Variants in PYCR1 observed in about 807,000 individuals in gnomAD.
PYCR1 encodes pyrroline-5-carboxylate reductase 1, also known as pyrroline-5-carboxylate reductase 1, mitochondrial.
In PYCR1, 19 loss-of-function variants were observed where a neutral mutation model predicts 22.9. The ratio of observed to expected loss-of-function variants is 0.83; its 90% CI spans 0.58 to 1.22. The LOEUF (loss-of-function observed/expected upper bound fraction) is 1.22. Among genes scored for constraint, PYCR1 ranks in the 50% most tolerant of loss-of-function variants. The pLI is 0.00. For synonymous variants in PYCR1, 175 were observed against 180.5 expected (o/e 0.97, Z 0.24); for missense variants, 429 against 431.3 (o/e 0.99, Z 0.05).
chr17:81,932,948 C>T lies in PYCR1; in HGVS notation c.*266G>A, dbSNP rs1816498056. 3 of 1,611,732 alleles carry T rather than the reference C, an allele frequency of 1.9e-6. No individual in the cohort carries two copies. The South Asian group carries it at 3.3e-5, about 18-fold the overall frequency. Reference sequence around the variant, plus strand: ...TGAAGACCCTCCGGGCTCCCGAGCTCTAGAGGAAGGTGGTCCTGACATGGT... The same window carrying T: ...TGAAGACCCTCCGGGCTCCCGAGCTTTAGAGGAAGGTGGTCCTGACATGGT... On this transcript the variant is annotated 3_prime_UTR_variant, in exon 7 of 7. Transcript: ENST00000329875.
rs779238535 is a variant in PYCR1, at chr17:81,935,106, G to A, written c.360C>T (p.Cys120=). ...AFRPAPRVIR[C]MTNTPVVVRE... ...GCACCACGACTGGAGTGTTGGTCAT[G>A]CAGCGGATGACCCTGGGGGCTGGCC... The change falls in exon 4 of 7, where the codon TGC becomes TGT. Residue 120 remains cysteine, a synonymous_variant. Coordinates refer to ENST00000329875, the MANE Select transcript of PYCR1 (RefSeq NM_006907.4). 6.2e-7 allele frequency: 1 copy of A among 1,609,996 alleles called. No homozygotes were observed. The highest frequency in any genetic ancestry group is 1.8e-4 in the Middle Eastern group (1 of 5,618).
chr17:81,936,933 C>T lies in PYCR1; in HGVS notation c.-119G>A, dbSNP rs2041216128. On this transcript the variant is annotated 5_prime_UTR_variant, in exon 1 of 7. Transcript: ENST00000329875. ...GCCAGCCTGGCCGCTCCTCCCGCAG[C>T]CGGGTGCCCACCTCCCCTGGTCCCA... The T allele has an allele frequency of 6.5e-7, 1 of 1,532,222 alleles. No homozygotes were observed. The highest frequency in any genetic ancestry group is 8.8e-7 in the Non-Finnish European group (1 of 1,139,636). 94.9% of individuals were successfully genotyped at this position (1,532,222 alleles called of 1,614,324 possible).
In PYCR1 at chr17:81,934,931, C is replaced by T. The variant is rs139751598; in HGVS notation, c.535G>A (p.Ala179Thr). Residue 179 changes from alanine to threonine, a missense_variant, in exon 4 of 7, where the codon GCC becomes ACC. Coordinates refer to ENST00000329875, the MANE Select transcript of PYCR1 (RefSeq NM_006907.4). ...AVTGLSGSGP[A>T]YAFTALDALA... Reference sequence around the variant, plus strand: ...GCTTCCCCCGCAGTCCTTACGTAGGCGGGGCCGCTGCCACTGAGCCCCGTG... The same window carrying T: ...GCTTCCCCCGCAGTCCTTACGTAGGTGGGGCCGCTGCCACTGAGCCCCGTG... 2.8e-5 allele frequency: 45 copies of T among 1,609,202 alleles called. No individual in the cohort carries two copies. Among genetic ancestry groups the T allele is most frequent in the Non-Finnish European group, 3.1e-5 (36 of 1,179,942 alleles).
Position 81,937,012 on chromosome 17 carries a change from C to T in PYCR1, c.-198G>A, listed in dbSNP as rs2041218811. On this transcript the variant is annotated 5_prime_UTR_variant, in exon 1 of 7. Transcript: ENST00000329875. ...GGCCCGTTAACTGCTTCGGGGCCCC[C>T]AGTCAGAGCGGCGGTGCCTGGCCTG... The T allele has an allele frequency of 6.8e-7, 1 of 1,462,150 alleles. No homozygotes were observed. The highest frequency in any genetic ancestry group is 9.0e-7 in the Non-Finnish European group (1 of 1,107,716). 90.6% of individuals were successfully genotyped at this position (1,462,150 alleles called of 1,614,324 possible).
chr17:81,935,519 G>A lies in PYCR1; in HGVS notation c.139-3C>T. ...GGTGTCAACTTCACCCCCATCTTCT[G>A]CAGGGGCAACAGGTGGGCTCAGCCT... On this transcript the variant is annotated splice_region_variant and splice_polypyrimidine_tract_variant and intron_variant, in intron 2 of 6. Coordinates refer to ENST00000329875, the MANE Select transcript of PYCR1 (RefSeq NM_006907.4). 2 of 1,605,300 alleles carry A rather than the reference G, an allele frequency of 1.2e-6. No individual in the cohort carries two copies. Among genetic ancestry groups the A allele is most frequent in the East Asian group, 2.2e-5 (1 of 44,648 alleles).
At chr17:81,934,547 G>A in intron 5 of PYCR1, 58 bp from the exon 6 acceptor site, 24 of 1,556,100 alleles carry the variant, frequency 1.5e-5, no homozygotes, top group Non-Finnish European at 2.0e-5. Context: ...GCGGGGCACT[G>A]CCCCAGCCAC....
rs1453974278 is a variant in PYCR1, at chr17:81,936,861, T to C, written c.-47A>G. 6.3e-7 allele frequency: 1 copy of C among 1,582,372 alleles called. No individual in the cohort carries two copies. The highest frequency in any genetic ancestry group is 1.8e-5 in the Admixed American group (1 of 54,554). On this transcript the variant is annotated 5_prime_UTR_variant, in exon 1 of 7. Transcript: ENST00000329875. The stretch of plus-strand genomic sequence containing the variant: ...CAAAGCCCCCACAGATGGCACCGGC[T>C]CTGCGGGACGAGACCGGCAGGATCG...
intron 6 of PYCR1, 131 bp downstream of exon 6, chr17:81,934,193 CCT>C (rs761303251): frequency 6.4e-5 from 89 of 1,398,070 alleles, no homozygotes; most frequent in East Asian, 2.4e-4. Context: ...CTCGGGGCCC[CCT>C]GTGTCCTGCG....
chr17:81,935,022 G>A lies in PYCR1; in HGVS notation c.444C>T (p.Leu148=), dbSNP rs1315521174. The A allele has an allele frequency of 6.2e-7, 1 of 1,610,288 alleles. No homozygotes were observed. The highest frequency in any genetic ancestry group is 8.5e-7 in the Non-Finnish European group (1 of 1,179,998). ...CCACGCTGCTCAGCAGCTGCTCCATGAGCCTCCCGTCCTCCACCTGGGCGT... is the reference window on the plus strand; with the variant it reads ...CCACGCTGCTCAGCAGCTGCTCCATAAGCCTCCCGTCCTCCACCTGGGCGT... ...GTHAQVEDGR[L]MEQLLSSVGF... The change falls in exon 4 of 7, where the codon CTC becomes CTT. Residue 148 remains leucine, a synonymous_variant. Coordinates refer to ENST00000329875, the MANE Select transcript of PYCR1 (RefSeq NM_006907.4).
At chr17:81,934,102 A>C (rs957685759) in intron 6 of PYCR1, 4 of 646,176 alleles carry the variant, frequency 6.2e-6, no homozygotes, top group Admixed American at 4.6e-5. Flanking sequence ...AGGGCACAGC[A>C]TCCGGGTCCC....
rs1004602308 is a variant in PYCR1, at chr17:81,934,394, A to G, written c.729T>C (p.His243=). ...AGCGGAAGCCCCCACTCTCCAGCAC[A>G]TGCAAGGCATGGATGGTGGCCCCAC... The part of the protein sequence containing the change: ...SPGGATIHAL[H]VLESGGFRSL... Residue 243 remains histidine, a synonymous_variant, in exon 6 of 7, where the codon CAT becomes CAC. Transcript: ENST00000329875. 1.3e-5 allele frequency: 21 copies of G among 1,612,492 alleles called. No homozygotes were observed. Among genetic ancestry groups the G allele is most frequent in the Non-Finnish European group, 1.8e-5 (21 of 1,179,866 alleles).
chr17:81,934,185 C>CG, intron 6 of PYCR1, 141 bp downstream of exon 6: 1 of 1,318,194 alleles, frequency 7.6e-7, no homozygotes, highest in Non-Finnish European at 1.1e-6. Context: ...CAGGGAACCT[C>CG]GGGGCCCCCT....
chr17:81,936,693 G>A, intron 1 of PYCR1, 55 bp downstream of exon 1: 1 of 1,548,814 alleles, frequency 6.5e-7, no homozygotes, highest in Non-Finnish European at 8.8e-7. Flanking sequence ...CTGCAGAAGT[G>A]GAAAGAGGCC....
intron 2 of PYCR1, 97 bp from the exon 3 acceptor site, chr17:81,935,613 GA>G: frequency 1.5e-6 from 1 of 656,900 alleles, no homozygotes; most frequent in East Asian, 4.7e-5. Flanking sequence ...GAGAATGCTG[GA>G]GTTGGGGGTG....
intron 2 of PYCR1, among the ~76,000 whole-genome samples, chr17:81,935,800 G>A (rs1009272168): frequency 1.3e-5 from 2 of 152,222 alleles, no homozygotes; most frequent in Non-Finnish European, 2.9e-5. Flanking sequence ...GGCTCTCCAC[G>A]TGGGAGTGGT....
intron 1 of PYCR1, 70 bp downstream of exon 1, chr17:81,936,678 C>G: frequency 6.6e-7 from 1 of 1,513,438 alleles, no homozygotes; most frequent in Admixed American, 2.0e-5. Flanking sequence ...CTTCAGCCCC[C>G]AGCCCTGCAG....
At position 81,934,390 on chromosome 17, in the gene PYCR1, G is replaced by A; in HGVS notation, c.733C>T (p.Leu245=). Residue 245 remains leucine (L), a synonymous_variant, in exon 6 of 7, where the codon CTG becomes TTG. Transcript: ENST00000329875. ...GGATIHALHV[L]ESGGFRSLLI... is the part of the protein sequence containing the mutation. ...AGGGAGCGGAAGCCCCCACTCTCCA[G>A]CACATGCAAGGCATGGATGGTGGCC... is the stretch of plus-strand genomic sequence containing the variant. 6.2e-7 allele frequency: 1 copy of A among 1,612,710 alleles called. No homozygotes were observed. Among genetic ancestry groups the A allele is most frequent in the Non-Finnish European group, 8.5e-7 (1 of 1,179,884 alleles).
chr17:81,935,420 G>C lies in PYCR1; in HGVS notation c.235C>G (p.Leu79Val), dbSNP rs1458599655. Reference protein sequence around the residue: ...AVKPHIIPFILDEIGADIEDR... With the variant: ...AVKPHIIPFIVDEIGADIEDR... ...TCAATGTCGGCGCCTATTTCATCCA[G>C]GATGAAGGGGATGATGTGTGGCTTC... Residue 79 changes from leucine (L) to valine (V), a missense_variant, in exon 3 of 7, where the codon CTG becomes GTG. Transcript: ENST00000329875. 1 of 1,613,698 alleles carries C rather than the reference G, an allele frequency of 6.2e-7. No individual in the cohort carries two copies. The highest frequency in any genetic ancestry group is 2.2e-5 in the East Asian group (1 of 44,892).
Position 81,937,267 on chromosome 17 carries a change from A to T in PYCR1, c.-453T>A, listed in dbSNP as rs2041227716. 8.2e-7 allele frequency: 1 copy of T among 1,224,212 alleles called. No individual in the cohort carries two copies. Among genetic ancestry groups the T allele is most frequent in the Admixed American group, 4.2e-5 (1 of 23,746 alleles). 75.8% of individuals were successfully genotyped at this position (1,224,212 alleles called of 1,614,324 possible). A position where few individuals can be genotyped will look rare whatever the true frequency, so the allele number is the denominator to read the frequency against. ...CGTGCGCGGGTCGTACCCACCCCTC[A>T]GCGCTGCGGCCGCCACGCGGCACCC... On this transcript the variant is annotated 5_prime_UTR_variant, in exon 1 of 7. Transcript: ENST00000329875.
Sources: allele counts gnomAD v4.1 joint callset (sites outside exome capture counted in the v4.1 genomes callset), GRCh38; gene constraint gnomAD v4.1.1; transcripts MANE v1.5; gene names NCBI Gene and HGNC (gene_info 2026-07-23, HGNC 2026-07-21).